The following FIRRM variants were observed in gnomAD, a reference collection of about 807,000 sequenced individuals.
FIRRM encodes the protein FIGNL1-interacting regulator of recombination and mitosis.
chr1:169,852,498 T>C, the FIRRM span: 1 of 388,970 alleles, frequency 2.6e-6, no homozygotes, highest in East Asian at 4.9e-5. Flanking sequence ...TTATAAGACA[T>C]GTAAGCTTGG....
chr1:169,853,091 T>A, the FIRRM span: 1 of 1,040,316 alleles, frequency 9.6e-7, no homozygotes, highest in Non-Finnish European at 1.4e-6. Context: ...AAGTTGAATC[T>A]AGTGAAAATA....
chr1:169,852,472 AC>A, the FIRRM span: 2 of 321,186 alleles, frequency 6.2e-6, no homozygotes, highest in Non-Finnish European at 1.1e-5. Flanking sequence ...AAAAGAAAAT[AC>A]ATTTATGAAC....
chr1:169,846,274 A>G, the FIRRM span, among the ~76,000 whole-genome samples: 2 of 152,170 alleles, frequency 1.3e-5, no homozygotes, highest in African/African-American at 4.8e-5. Flanking sequence ...CCATTGATAG[A>G]GTACATGCAG....
the FIRRM span, chr1:169,795,207 A>T: frequency 6.5e-7 from 1 of 1,535,464 alleles, no homozygotes; most frequent in East Asian, 2.4e-5. Context: ...TCCTGCCCCG[A>T]CTCCTCATAT....
chr1:169,840,542 G>T, the FIRRM span, among the ~76,000 whole-genome samples: 1,460 of 148,518 alleles, frequency 9.8e-3, 23 homozygotes, highest in African/African-American at 0.034. Flanking sequence ...ACGGAGTCTC[G>T]CACTGTCGCT....
the FIRRM span, chr1:169,853,819 T>C: frequency 3.8e-6 from 6 of 1,598,094 alleles, no homozygotes; most frequent in African/African-American, 4.1e-5. Context: ...ACAAATCATA[T>C]GCAAAAATCA....
the FIRRM span, chr1:169,794,954 C>T: frequency 3.1e-6 from 2 of 635,992 alleles, no homozygotes; most frequent in South Asian, 1.9e-5. Flanking sequence ...TCTTTCCGGC[C>T]TTGAGGGACC....
At chr1:169,842,615 C>T in the FIRRM span, 1 of 1,528,038 alleles carries the variant, frequency 6.5e-7, no homozygotes, top group Admixed American at 1.9e-5. Context: ...TGAAATTTTC[C>T]AGTGTAGAGT....
the FIRRM span, among the ~76,000 whole-genome samples, chr1:169,834,546 G>T: frequency 2.6e-5 from 4 of 152,056 alleles, no homozygotes; most frequent in African/African-American, 9.7e-5. Context: ...TTTTGAGACT[G>T]TAACAGGCCA....
the FIRRM span, chr1:169,843,616 CTAT>C: frequency 5.7e-5 from 55 of 972,976 alleles, no homozygotes; most frequent in Non-Finnish European, 8.6e-5. Flanking sequence ...TAAAAGCTTG[CTAT>C]TATTATTCTT....
the FIRRM span, among the ~76,000 whole-genome samples, chr1:169,800,443 CAA>C: frequency 6.6e-6 from 1 of 152,116 alleles, no homozygotes; most frequent in Non-Finnish European, 1.5e-5. Context: ...GAAAAGATTA[CAA>C]AACATCTAAT....
chr1:169,847,414 G>T, the FIRRM span, among the ~76,000 whole-genome samples: 1 of 150,934 alleles, frequency 6.6e-6, no homozygotes, highest in Non-Finnish European at 1.5e-5. Flanking sequence ...TAAAGGTTTG[G>T]TATATAAAGT....
chr1:169,835,364 A>C, the FIRRM span, among the ~76,000 whole-genome samples: 1 of 152,186 alleles, frequency 6.6e-6, no homozygotes, highest in Non-Finnish European at 1.5e-5. Context: ...GTATGTAACT[A>C]TTAGTAGTAT....
At chr1:169,824,096 T>C in the FIRRM span, among the ~76,000 whole-genome samples, 1 of 152,350 alleles carries the variant, frequency 6.6e-6, no homozygotes, top group Admixed American at 6.5e-5. Context: ...TCAAACTTCC[T>C]GTATCTTCCA....
chr1:169,850,082 A>G, the FIRRM span: 1 of 583,542 alleles, frequency 1.7e-6, no homozygotes, highest in Non-Finnish European at 3.0e-6. Context: ...ACACTTGTAC[A>G]GAAGTTAATT....
the FIRRM span, chr1:169,827,976 C>T: frequency 1.2e-6 from 1 of 812,384 alleles, no homozygotes; most frequent in Non-Finnish European, 1.9e-6. Flanking sequence ...TGTAGACACA[C>T]ATATATATTG....
At chr1:169,850,673 G>T in the FIRRM span, 1 of 192,622 alleles carries the variant, frequency 5.2e-6, no homozygotes. Flanking sequence ...GTACGCGCCT[G>T]CAGTCCCAGC....
the FIRRM span, among the ~76,000 whole-genome samples, chr1:169,804,694 A>AT: frequency 6.6e-5 from 10 of 151,884 alleles, no homozygotes; most frequent in African/African-American, 2.4e-4. Context: ...ATTTTATTTT[A>AT]TTTTTTTGAG....
At chr1:169,827,128 C>T in the FIRRM span, 3 of 1,613,704 alleles carry the variant, frequency 1.9e-6, no homozygotes, top group Non-Finnish European at 8.5e-7. Flanking sequence ...TTCCTAGTGA[C>T]ACTGGATCCA....
Sources: gnomAD v4.1 joint callset for allele counts (sites outside exome capture counted in the v4.1 genomes callset) on GRCh38, gnomAD v4.1.1 for gene constraint, MANE v1.5 for transcripts, NCBI Gene and HGNC (gene_info 2026-07-23, HGNC 2026-07-21) for gene names.